Variants in KCND2 observed in about 807,000 individuals in gnomAD.
KCND2 encodes A-type voltage-gated potassium channel KCND2.
In KCND2, 16 loss-of-function variants were observed where a neutral mutation model predicts 54.4. That is an observed-to-expected ratio of 0.29 (90% CI 0.20 to 0.45). KCND2 has a LOEUF of 0.45. Among genes scored for constraint, KCND2 ranks in the 20% least tolerant of loss-of-function variants. KCND2 has a pLI of 1.00. For missense variants in KCND2, 486 were observed against 824.2 expected (o/e 0.59, Z 5.02); for synonymous variants, 317 against 310.7 (o/e 1.02, Z -0.21).
intron 1 of KCND2, among the ~76,000 whole-genome samples, chr7:120,335,714 T>A (rs1030485311): frequency 1.3e-5 from 2 of 152,070 alleles, no homozygotes; most frequent in Admixed American, 1.3e-4. Context: ...CTCAGTCTCC[T>A]GACCTTGTGA....
At chr7:120,423,129 A>G (rs1474238270) in intron 1 of KCND2, among the ~76,000 whole-genome samples, 1 of 152,132 alleles carries the variant, frequency 6.6e-6, no homozygotes, top group Non-Finnish European at 1.5e-5. Flanking sequence ...AGTTTTCACT[A>G]CCTTATTGTT....
Position 120,411,803 on chromosome 7 carries a change from A to AT in KCND2, c.1115+136062dup, listed in dbSNP as rs535344101. On this transcript the variant is annotated intron_variant, in intron 1 of 5. Coordinates refer to ENST00000331113, the MANE Select transcript of KCND2 (RefSeq NM_012281.3). ...AAATTGGGTATTGGAAATATAGTAC[A>AT]TTTTTTAATATTATGGAAATAGTAA... 6.0e-4 allele frequency among the ~76,000 whole-genome samples: 91 copies of AT among 152,044 alleles called. No homozygotes were observed. The East Asian group carries it at 0.017, about 28-fold the overall frequency.
intron 1 of KCND2, among the ~76,000 whole-genome samples, chr7:120,581,204 T>C (rs1000990361): frequency 5.3e-5 from 8 of 152,364 alleles, no homozygotes; most frequent in Middle Eastern, 3.4e-3. Context: ...TTGCCAAATA[T>C]GACTAGTGTC....
intron 1 of KCND2, among the ~76,000 whole-genome samples, chr7:120,627,175 C>A (rs1228484578): frequency 6.6e-6 from 1 of 151,320 alleles, no homozygotes; most frequent in African/African-American, 2.5e-5. Context: ...GCATCTGTCA[C>A]GTGTCCAGCA....
chr7:120,644,493 A>C (rs1403208210), intron 1 of KCND2, among the ~76,000 whole-genome samples: 1 of 152,228 alleles, frequency 6.6e-6, no homozygotes, highest in Non-Finnish European at 1.5e-5. Context: ...GGAAATGCCC[A>C]TATTTAATTT....
chr7:120,603,622 C>A (rs912202832), intron 1 of KCND2, among the ~76,000 whole-genome samples: 5 of 152,160 alleles, frequency 3.3e-5, no homozygotes, highest in Admixed American at 2.6e-4. Context: ...AATCCTAGCC[C>A]TACACTTATT....
chr7:120,669,949 A>G (rs1791970859), intron 1 of KCND2, among the ~76,000 whole-genome samples: 1 of 151,250 alleles, frequency 6.6e-6, no homozygotes, highest in South Asian at 2.1e-4. Context: ...GCCTATAAAG[A>G]TAAAGATAAA....
chr7:120,702,027 A>G (rs1220806080), intron 1 of KCND2, among the ~76,000 whole-genome samples: 2 of 152,232 alleles, frequency 1.3e-5, no homozygotes, highest in African/African-American at 4.8e-5. Context: ...ACTCCACAGA[A>G]TGAAAGAACA....
At chr7:120,296,658 G>T (rs1048251178) in intron 1 of KCND2, among the ~76,000 whole-genome samples, 4 of 152,010 alleles carry the variant, frequency 2.6e-5, no homozygotes, top group African/African-American at 4.8e-5. Context: ...CAATTGGAAA[G>T]ATCACTTTAA....
Position 120,588,402 on chromosome 7 carries a change from A to AGTGTGTGTGTGTGTGTGT in KCND2, c.1116-144478_1116-144461dup, listed in dbSNP as rs3993713. Among the ~76,000 whole-genome samples the AGTGTGTGTGTGTGTGTGT allele has an allele frequency of 1.1e-3, 157 of 141,404 alleles. 1 individual carries two copies. The highest frequency in any genetic ancestry group is 1.8e-3 in the Non-Finnish European group (114 of 64,996). The allele number at this position is 141,404 out of a possible 152,430, so 92.8% of individuals were successfully genotyped here. On this transcript the variant is annotated intron_variant, in intron 1 of 5. Transcript: ENST00000331113. Reference sequence around the variant, plus strand: ...GAATAATAGAGGGAGGCAACTGTGCAGTGTGTGTGTGTGTGTGTGTGTGTG... The same window carrying AGTGTGTGTGTGTGTGTGT: ...GAATAATAGAGGGAGGCAACTGTGCAGTGTGTGTGTGTGTGTGTGTGTGTGTGTGTGTGTGTGTGTGTG...
At chr7:120,401,951 C>G (rs1801260692) in intron 1 of KCND2, among the ~76,000 whole-genome samples, 1 of 152,130 alleles carries the variant, frequency 6.6e-6, no homozygotes, top group South Asian at 2.1e-4. Flanking sequence ...AGTACATCAG[C>G]TGGGCTTAAT....
At chr7:120,579,593 T>A (rs1792486734) in intron 1 of KCND2, among the ~76,000 whole-genome samples, 1 of 139,806 alleles carries the variant, frequency 7.2e-6, no homozygotes, top group East Asian at 2.0e-4. Flanking sequence ...GGGGCGAGAC[T>A]CTGTCTAAAA....
intron 1 of KCND2, among the ~76,000 whole-genome samples, chr7:120,543,027 G>A (rs1310139064): frequency 6.6e-6 from 1 of 151,892 alleles, no homozygotes; most frequent in African/African-American, 2.4e-5. Context: ...CATACACACA[G>A]CCCTCATACA....
In KCND2 at chr7:120,472,636, G is replaced by GT. The variant is rs199995609; in HGVS notation, c.1115+196896dup. 1.4e-3 allele frequency among the ~76,000 whole-genome samples: 220 copies of GT among 151,938 alleles called. 4 individuals are homozygous for GT. The East Asian group carries it at 0.04, about 27-fold the overall frequency. On this transcript the variant is annotated intron_variant, in intron 1 of 5. Transcript: ENST00000331113. ...GGTTGGTTGGTTGATTGGCTGTTTT[G>GT]TTTTTTTAACTTTATGGAGGAGACC...
Position 120,399,353 on chromosome 7 carries a change from A to G in KCND2, c.1115+123606A>G, listed in dbSNP as rs1410819772. ...GGTGTATTCATGGTTCTTACATTAC[A>G]TAAGAGAAAAAAACATAGAGAAAAA... On this transcript the variant is annotated intron_variant, in intron 1 of 5. Transcript: ENST00000331113. Among the ~76,000 whole-genome samples the G allele has an allele frequency of 3.9e-5, 6 of 152,060 alleles. 1 individual carries two copies. The highest frequency in any genetic ancestry group is 3.3e-4 in the Admixed American group (5 of 15,252).
intron 1 of KCND2, among the ~76,000 whole-genome samples, chr7:120,692,994 C>T (rs999223514): frequency 1.3e-5 from 2 of 152,038 alleles, no homozygotes; most frequent in African/African-American, 4.8e-5. Context: ...GTAAACCTAC[C>T]AAATCCTACT....
In KCND2 at chr7:120,514,277, C is replaced by G. The variant is rs58301386; in HGVS notation, c.1116-218626C>G. On this transcript the variant is annotated intron_variant, in intron 1 of 5. Transcript: ENST00000331113. ...TATTCTTACCTGTCCACACCAAAAA[C>G]TCAAAAGACAGTTACAATGCTTTGT... 9.3e-4 allele frequency among the ~76,000 whole-genome samples: 141 copies of G among 152,136 alleles called. 1 individual carries two copies. The highest frequency in any genetic ancestry group is 3.3e-3 in the African/African-American group (137 of 41,524).
chr7:120,288,995 T>C (rs1799389991), intron 1 of KCND2, among the ~76,000 whole-genome samples: 2 of 150,902 alleles, frequency 1.3e-5, no homozygotes, highest in Admixed American at 1.3e-4. Flanking sequence ...AGAGTATATA[T>C]GGGGGGAGAG....
At chr7:120,278,618 G>A (rs983401667) in intron 1 of KCND2, among the ~76,000 whole-genome samples, 1 of 151,054 alleles carries the variant, frequency 6.6e-6, no homozygotes, top group East Asian at 1.9e-4. Context: ...ATATTCAGTT[G>A]GTTTTATGAT....
Sources: allele counts gnomAD v4.1 joint callset (sites outside exome capture counted in the v4.1 genomes callset), GRCh38; gene constraint gnomAD v4.1.1; transcripts MANE v1.5; gene names NCBI Gene and HGNC (gene_info 2026-07-23, HGNC 2026-07-21).